The following SLC35F4 variants were observed in gnomAD, a reference collection of about 807,000 sequenced individuals.
The protein encoded by SLC35F4 is chromosome 14 open reading frame 36.
In SLC35F4, 24 loss-of-function variants were observed where a neutral mutation model predicts 44.2. That is an observed-to-expected ratio of 0.54 (90% CI 0.39 to 0.76). SLC35F4 has a LOEUF of 0.76. Among genes scored for constraint, SLC35F4 ranks in the 30% least tolerant of loss-of-function variants. The pLI is 0.00. For synonymous variants in SLC35F4, 238 were observed against 223.6 expected (o/e 1.06, Z -0.57); for missense variants, 562 against 586.1 (o/e 0.96, Z 0.42).
At chr14:57,735,812 T>C (rs2076450041) in intron 1 of SLC35F4, among the ~76,000 whole-genome samples, 1 of 151,116 alleles carries the variant, frequency 6.6e-6, no homozygotes, top group Non-Finnish European at 1.5e-5. Context: ...AACCTCAAAC[T>C]CCTGGGCTCA....
intron 1 of SLC35F4, among the ~76,000 whole-genome samples, chr14:57,831,962 A>C (rs1884420923): frequency 6.6e-6 from 1 of 152,220 alleles, no homozygotes; most frequent in African/African-American, 2.4e-5. Flanking sequence ...TGAGCACTGC[A>C]ACTCTCCAAG....
intron 1 of SLC35F4, among the ~76,000 whole-genome samples, chr14:57,958,438 G>A (rs79756941): frequency 0.027 from 4,143 of 152,154 alleles, 56 homozygotes; most frequent in Middle Eastern, 0.054. Flanking sequence ...TATATGAAAT[G>A]TCTAGAATAG....
chr14:57,668,918 G>C (rs2074413533), intron 1 of SLC35F4, among the ~76,000 whole-genome samples: 2 of 152,000 alleles, frequency 1.3e-5, no homozygotes, highest in African/African-American at 4.8e-5. Flanking sequence ...AATTACCTTG[G>C]GCAGTATGGC....
At chr14:57,926,320 T>C (rs142229435) in intron 1 of SLC35F4, among the ~76,000 whole-genome samples, 92 of 152,316 alleles carry the variant, frequency 6.0e-4, no homozygotes, top group African/African-American at 2.0e-3. Flanking sequence ...ATTAGGCTAT[T>C]TCTATGGTTT....
chr14:57,805,393 G>A lies in SLC35F4; in HGVS notation c.103+60330C>T, dbSNP rs186451743. ...CCTAAATGCCCATCAATGATAGACT[G>A]GATAAAGAAAATGTGGTACATATAC... On this transcript the variant is annotated intron_variant, in intron 1 of 7. Coordinates refer to ENST00000556826, the MANE Select transcript of SLC35F4 (RefSeq NM_001306087.2). Among the ~76,000 whole-genome samples, 8 of 152,250 alleles carry A rather than the reference G, an allele frequency of 5.3e-5. No individual in the cohort carries two copies. The East Asian group carries it at 1.5e-3, about 29-fold the overall frequency.
Position 57,929,774 on chromosome 14 carries a change from A to G in SLC35F4, n.282+52139T>C, listed in dbSNP as rs557065644. ...ATAAAATGTCAGACAGCATGAAACA[A>G]AGATACACATCAAATGAATGAAAAC... On this transcript the variant is annotated intron_variant and non_coding_transcript_variant, in intron 1 of 1. Transcript: ENST00000556568. 4.5e-4 allele frequency among the ~76,000 whole-genome samples: 68 copies of G among 152,318 alleles called. 1 individual carries two copies. In the South Asian group the frequency reaches 6.2e-3, roughly 14 times the overall value.
intron 1 of SLC35F4, among the ~76,000 whole-genome samples, chr14:57,785,136 C>G (rs764219259): frequency 6.6e-6 from 1 of 152,170 alleles, no homozygotes; most frequent in Non-Finnish European, 1.5e-5. Flanking sequence ...GTGCCTCTAA[C>G]CCCTGCCTGT....
chr14:57,613,545 G>A (rs2140059383), intron 1 of SLC35F4, among the ~76,000 whole-genome samples: 1 of 152,322 alleles, frequency 6.6e-6, no homozygotes, highest in Admixed American at 6.5e-5. Context: ...ACTTGGGATA[G>A]CATTCTCTAA....
intron 1 of SLC35F4, among the ~76,000 whole-genome samples, chr14:57,847,165 G>C (rs943820956): frequency 6.6e-6 from 1 of 152,236 alleles, no homozygotes; most frequent in Non-Finnish European, 1.5e-5. Flanking sequence ...TAAAGAACCA[G>C]ATAGTTTGAG....
chr14:57,614,126 G>T (rs2071670134), intron 1 of SLC35F4, among the ~76,000 whole-genome samples: 1 of 152,108 alleles, frequency 6.6e-6, no homozygotes, highest in African/African-American at 2.4e-5. Context: ...CTGCAGATTG[G>T]TGCTAACATC....
At chr14:57,863,232 G>A (rs1337054122) in intron 1 of SLC35F4, among the ~76,000 whole-genome samples, 1 of 152,084 alleles carries the variant, frequency 6.6e-6, no homozygotes, top group Non-Finnish European at 1.5e-5. Context: ...AATTGAACAG[G>A]ATAAATAAAA....
chr14:57,594,136 G>T lies in SLC35F4; in HGVS notation c.104-12C>A. The stretch of plus-strand genomic sequence containing the variant: ...TGATCTGGAGGTACCTGGAAAGACA[G>T]AGTTCACGCCAGTTTGAGAACTGCC... On this transcript the variant is annotated splice_polypyrimidine_tract_variant and intron_variant, in intron 1 of 7. Coordinates refer to ENST00000556826, the MANE Select transcript of SLC35F4 (RefSeq NM_001306087.2). 6.6e-7 allele frequency: 1 copy of T among 1,525,758 alleles called. No homozygotes were observed. The highest frequency in any genetic ancestry group is 9.0e-7 in the Non-Finnish European group (1 of 1,116,706). The allele number at this position is 1,525,758 out of a possible 1,614,324, so 94.5% of individuals were successfully genotyped here.
chr14:57,746,846 G>A (rs991276402), intron 1 of SLC35F4, among the ~76,000 whole-genome samples: 12 of 152,048 alleles, frequency 7.9e-5, no homozygotes, highest in African/African-American at 2.4e-4. Context: ...TTTTTTAAAC[G>A]ACAGAATGGT....
chr14:57,581,570 G>T, intron 3 of SLC35F4, 137 bp from the exon 4 acceptor site: 2 of 783,244 alleles, frequency 2.6e-6, no homozygotes, highest in East Asian at 2.7e-5. Flanking sequence ...ACTGAACCCA[G>T]TTCTGAAATC....
Position 57,776,660 on chromosome 14 carries a change from C to T in SLC35F4, c.103+89063G>A, listed in dbSNP as rs546186141. On this transcript the variant is annotated intron_variant, in intron 1 of 7. Coordinates refer to ENST00000556826, the MANE Select transcript of SLC35F4 (RefSeq NM_001306087.2). ...CAGCTTGGGCAGCAGAGCAAGACTCCATCTCAAAAAAAAAAAAAAAAAAAA... is the reference window on the plus strand; with the variant it reads ...CAGCTTGGGCAGCAGAGCAAGACTCTATCTCAAAAAAAAAAAAAAAAAAAA... Among the ~76,000 whole-genome samples, 281 of 89,826 alleles carry T rather than the reference C, an allele frequency of 3.1e-3. 3 individuals are homozygous for T. The highest frequency in any genetic ancestry group is 0.015 in the African/African-American group (268 of 17,552). The allele number at this position is 89,826 out of a possible 152,430, so 58.9% of individuals were successfully genotyped here.
At chr14:57,586,957 GA>G (rs112187099) in intron 3 of SLC35F4, among the ~76,000 whole-genome samples, 204 of 145,604 alleles carry the variant, frequency 1.4e-3, no homozygotes, top group African/African-American at 4.8e-3. Flanking sequence ...AAATTTACAA[GA>G]AAAAAAAACC....
chr14:57,947,210 A>G (rs1171328616), intron 1 of SLC35F4, among the ~76,000 whole-genome samples: 2 of 145,142 alleles, frequency 1.4e-5, no homozygotes, highest in East Asian at 2.0e-4. Flanking sequence ...TTGGTTAGGT[A>G]TATTCGTAAG....
At chr14:57,645,313 G>C (rs1479940104) in intron 1 of SLC35F4, among the ~76,000 whole-genome samples, 2 of 152,114 alleles carry the variant, frequency 1.3e-5, no homozygotes, top group South Asian at 2.1e-4. Flanking sequence ...GTGGTTTGTA[G>C]TTCTCCTTGA....
chr14:57,589,644 T>G (rs576402257), intron 2 of SLC35F4, 131 bp from the exon 3 acceptor site: 131 of 1,001,926 alleles, frequency 1.3e-4, no homozygotes, highest in Non-Finnish European at 1.8e-4. Flanking sequence ...TTTTCTTTTC[T>G]ACCATCATTT....
Sources: allele counts gnomAD v4.1 joint callset (sites outside exome capture counted in the v4.1 genomes callset), GRCh38; gene constraint gnomAD v4.1.1; transcripts MANE v1.5; gene names NCBI Gene and HGNC (gene_info 2026-07-23, HGNC 2026-07-21).